The following KCNC4 variants were observed in gnomAD, a reference collection of about 807,000 sequenced individuals.
KCNC4 encodes voltage-gated potassium channel KCNC4.
A neutral mutation model predicts 42.8 loss-of-function variants in KCNC4; 23 were observed. The ratio of observed to expected loss-of-function variants is 0.54; its 90% CI spans 0.39 to 0.76. KCNC4 has a LOEUF of 0.76. Ranked by LOEUF, KCNC4 falls within the 30% of genes least tolerant of loss-of-function variation. The probability of loss-of-function intolerance (pLI) is 0.00; values close to 1 mark genes in which losing one functional copy is unlikely to be tolerated. For missense variants in KCNC4, 751 were observed against 898.2 expected, an observed-to-expected ratio of 0.84 and a Z score of 2.10; for synonymous variants, 422 against 393.5, an observed-to-expected ratio of 1.07 and a Z score of -0.86.
chr1:110,261,602 G>A (rs887162780), intron 1 of KCNC4, among the ~76,000 whole-genome samples: 9 of 152,174 alleles, frequency 5.9e-5, no homozygotes, highest in Non-Finnish European at 1.2e-4. Flanking sequence ...AAAAAGTATT[G>A]ACTGGAATAA....
chr1:110,280,355 AT>A (rs1193252842), intron 1 of KCNC4, among the ~76,000 whole-genome samples: 17 of 151,886 alleles, frequency 1.1e-4, no homozygotes, highest in African/African-American at 3.9e-4. Flanking sequence ...GTGGGAGGAG[AT>A]TGTGCTCTGT....
intron 1 of KCNC4, chr1:110,219,832 A>T (rs1179924455): frequency 6.6e-6 from 1 of 152,244 alleles, no homozygotes; most frequent in East Asian, 1.9e-4. Flanking sequence ...GAAATAATTC[A>T]GTTTGGGGAG....
chr1:110,271,361 G>A lies in KCNC4; in HGVS notation n.31-11173G>A, dbSNP rs375077904. Among the ~76,000 whole-genome samples the A allele has an allele frequency of 2.9e-4, 44 of 152,308 alleles. No homozygotes were observed. In the South Asian group the frequency reaches 7.0e-3, roughly 24 times the overall value. On this transcript the variant is annotated intron_variant and non_coding_transcript_variant, in intron 1 of 2. Coordinates refer to the KCNC4 transcript ENST00000412512. ...GAGATCTGAAGCTTAGGGTGGGGAA[G>A]GGATAGCCCACAGTTACATTGCTAG...
intron 1 of KCNC4, among the ~76,000 whole-genome samples, chr1:110,217,493 A>G (rs140931029): frequency 1.3e-4 from 20 of 152,294 alleles, no homozygotes; most frequent in African/African-American, 4.1e-4. Context: ...GCTCAAGCAG[A>G]GCTTGGACAG....
At chr1:110,280,802 C>A (rs1406624154) in intron 1 of KCNC4, among the ~76,000 whole-genome samples, 1 of 152,146 alleles carries the variant, frequency 6.6e-6, no homozygotes, top group Non-Finnish European at 1.5e-5. Flanking sequence ...TGTAGCAATT[C>A]TATCTACCAT....
At chr1:110,251,802 G>A (rs1659254372), downstream of KCNC4, among the ~76,000 whole-genome samples, 1 of 152,224 alleles carries the variant, frequency 6.6e-6, no homozygotes, top group African/African-American at 2.4e-5. Flanking sequence ...TGCAGGCAAA[G>A]ACAACAAGGC....
intron 1 of KCNC4, chr1:110,220,492 C>T (rs1658040393): frequency 7.7e-6 from 1 of 129,550 alleles, no homozygotes; most frequent in East Asian, 2.3e-4. Flanking sequence ...CCTCCCTCTG[C>T]TCACCCTCTT....
chr1:110,277,751 A>C (rs1473013427), intron 1 of KCNC4, among the ~76,000 whole-genome samples: 1 of 152,204 alleles, frequency 6.6e-6, no homozygotes, highest in Non-Finnish European at 1.5e-5. Context: ...CTAACTCTAA[A>C]AGGTTTTATA....
downstream of KCNC4, among the ~76,000 whole-genome samples, chr1:110,252,690 CA>C (rs1659267749): frequency 2.0e-5 from 3 of 152,298 alleles, no homozygotes; most frequent in South Asian, 6.2e-4. Flanking sequence ...AAATATTTTA[CA>C]TATCTCATTC....
Position 110,223,071 on chromosome 1 carries a change from C to T in KCNC4, c.786C>T (p.Arg262=), listed in dbSNP as rs141629939. Residue 262 remains arginine, a synonymous_variant, in exon 2 of 4, where the codon CGC becomes CGT. Coordinates refer to ENST00000438661, the MANE Select transcript of KCNC4 (RefSeq NM_001039574.3). This position sits in a 1 kb window ranked among gnomAD's most constrained non-coding sequence, Gnocchi z 7.5. ...ACCGCAACGTGACAGAGATCCTCCGCGTAGGGAACATCACCAGCGTGCACT... is the reference window on the plus strand; with the variant it reads ...ACCGCAACGTGACAGAGATCCTCCGTGTAGGGAACATCACCAGCGTGCACT... The part of the protein sequence containing the change: ...NIDRNVTEIL[R]VGNITSVHFR... The T allele has an allele frequency of 6.3e-5, 102 of 1,614,176 alleles. 1 individual carries two copies. The Middle Eastern group carries it at 6.6e-4, about 10-fold the overall frequency.
chr1:110,231,418 C>A (rs1278780981), intron 3 of KCNC4, among the ~76,000 whole-genome samples: 2 of 152,160 alleles, frequency 1.3e-5, no homozygotes, highest in Non-Finnish European at 2.9e-5. Context: ...ATGGAGAGTC[C>A]ATGGAAGCCA....
rs72990551 is a variant in KCNC4, at chr1:110,262,463, C to G, written n.31-20071C>G. Among the ~76,000 whole-genome samples the G allele has an allele frequency of 2.3e-3, 355 of 152,306 alleles. 3 individuals are homozygous for G. Among genetic ancestry groups the G allele is most frequent in the African/African-American group, 8.0e-3 (331 of 41,562 alleles). ...TTTCCTCTTCCCTAACTTCCCCAAC[C>G]CTACCCTGCCCCAGTGCCTACCTCT... On this transcript the variant is annotated intron_variant and non_coding_transcript_variant, in intron 1 of 2. Transcript: ENST00000412512.
chr1:110,211,404 T>TTCGTCTCCTCCCCCTCCCCC lies in KCNC4; in HGVS notation c.-95_-76dup. 1 of 1,477,548 alleles carries TTCGTCTCCTCCCCCTCCCCC rather than the reference T, an allele frequency of 6.8e-7. No homozygotes were observed. Among genetic ancestry groups the TTCGTCTCCTCCCCCTCCCCC allele is most frequent in the Non-Finnish European group, 9.0e-7 (1 of 1,107,874 alleles). 91.5% of individuals were successfully genotyped at this position (1,477,548 alleles called of 1,614,324 possible). A position where few individuals can be genotyped will look rare whatever the true frequency, so the allele number is the denominator to read the frequency against. ...GGCCGCCACCGCCTCCTGCCTCCTC[T>TTCGTCTCCTCCCCCTCCCCC]TCGTCTCCTCCCCCTCCCCCGTCTG... On this transcript the variant is annotated 5_prime_UTR_variant, in exon 1 of 4. Coordinates refer to ENST00000438661, the MANE Select transcript of KCNC4 (RefSeq NM_001039574.3). This position sits in a 1 kb window ranked among gnomAD's most constrained non-coding sequence, Gnocchi z 6.5.
At chr1:110,261,476 T>C (rs1659425621) in intron 1 of KCNC4, among the ~76,000 whole-genome samples, 1 of 152,212 alleles carries the variant, frequency 6.6e-6, no homozygotes, top group South Asian at 2.1e-4. Context: ...GTTAATGGGA[T>C]TTGCTACATT....
intron 1 of KCNC4, among the ~76,000 whole-genome samples, chr1:110,214,858 TG>T (rs1488870303): frequency 6.6e-6 from 1 of 152,196 alleles, no homozygotes; most frequent in East Asian, 1.9e-4. Context: ...GAAGACTTAC[TG>T]TATTACCCCT....
At chr1:110,224,711 T>G (rs146432050) in intron 2 of KCNC4, 2 of 152,352 alleles carry the variant, frequency 1.3e-5, no homozygotes, top group Non-Finnish European at 2.9e-5. Context: ...AATCAGGAGT[T>G]GGGAAATGGA....
chr1:110,247,337 C>T (rs1056680067), exon 4 of KCNC4: 7 of 150,756 alleles, frequency 4.6e-5, no homozygotes, highest in South Asian at 4.2e-4. Context: ...AAGTGATCCT[C>T]CTCTGAGTAG....
downstream of KCNC4, among the ~76,000 whole-genome samples, chr1:110,252,847 G>A (rs1175567239): frequency 6.6e-6 from 1 of 152,156 alleles, no homozygotes; most frequent in Non-Finnish European, 1.5e-5. Context: ...TCTCACCACA[G>A]TCCCTTCAGG....
Position 110,226,000 on chromosome 1 carries a change from C to T in KCNC4, c.1641C>T (p.Asn547=), listed in dbSNP as rs377454400. 2.6e-5 allele frequency: 42 copies of T among 1,607,536 alleles called. No individual in the cohort carries two copies. The South Asian group carries it at 3.0e-4, about 11-fold the overall frequency. The change falls in exon 3 of 4, where the codon AAC becomes AAT. Residue 547 remains asparagine (N), a synonymous_variant. Transcript: ENST00000438661. ...RADSKQNGDA[N]AVLSDEEGAG... ...ACTCTAAGCAGAATGGCGATGCCAA[C>T]GCAGTGCTGTCTGATGAGGAGGGAG...
Sources: gnomAD v4.1 joint callset for allele counts (sites outside exome capture counted in the v4.1 genomes callset) on GRCh38, gnomAD v4.1.1 for gene constraint, Gnocchi (gnomAD v3.1) non-coding constraint, MANE v1.5 for transcripts, NCBI Gene and HGNC (gene_info 2026-07-23, HGNC 2026-07-21) for gene names.